Variants in MLEC observed in about 807,000 individuals in gnomAD.
MLEC encodes the protein oligosaccharyltransferase complex subunit (non-catalytic).
MLEC carries 7 observed loss-of-function variants against 28.7 expected under a neutral mutation model. That is an observed-to-expected ratio of 0.24 (90% CI 0.14 to 0.46). The LOEUF (loss-of-function observed/expected upper bound fraction) is 0.46, where lower values mean the gene tolerates loss of function less well. Among genes scored for constraint, MLEC ranks in the 20% least tolerant of loss-of-function variants. The pLI, the probability that MLEC is intolerant of heterozygous loss-of-function variation, is 0.99. For missense variants in MLEC, 237 were observed against 391.1 expected (o/e 0.61, Z 3.32); for synonymous variants, 142 against 164.4 (o/e 0.86, Z 1.04).
intron 1 of MLEC, among the ~76,000 whole-genome samples, chr12:120,688,023 G>C (rs1395477060): frequency 2.0e-5 from 3 of 152,184 alleles, no homozygotes; most frequent in African/African-American, 7.2e-5. Context: ...TTTGATTGTA[G>C]CCTCCTCCCC....
Position 120,696,806 on chromosome 12 carries a change from A to G in MLEC, c.*261A>G. 1 of 511,350 alleles carries G rather than the reference A, an allele frequency of 2.0e-6. No homozygotes were observed. The highest frequency in any genetic ancestry group is 3.5e-6 in the Non-Finnish European group (1 of 288,490). The allele number at this position is 511,350 out of a possible 1,614,324, so 31.7% of individuals were successfully genotyped here. ...CTTTCCTCTTGAGGATACTTAGGGT[A>G]AACTGGATCCTTCCTGCTCAAGGAT... On this transcript the variant is annotated 3_prime_UTR_variant, in exon 5 of 5. Coordinates refer to ENST00000228506, the MANE Select transcript of MLEC (RefSeq NM_014730.4). This position sits in a 1 kb window ranked among gnomAD's most constrained non-coding sequence, Gnocchi z 5.4.
intron 1 of MLEC, among the ~76,000 whole-genome samples, chr12:120,690,275 T>G (rs1392631004): frequency 6.6e-6 from 1 of 152,170 alleles, no homozygotes; most frequent in African/African-American, 2.4e-5. Flanking sequence ...CCTCCCAAAC[T>G]GCTGGGATTA....
chr12:120,692,496 T>C (rs1882078492), intron 1 of MLEC, among the ~76,000 whole-genome samples: 1 of 152,064 alleles, frequency 6.6e-6, no homozygotes, highest in Admixed American at 6.6e-5. Context: ...TCCTCTTCCA[T>C]TGTCTCATCA....
Position 120,700,988 on chromosome 12 carries a change from C to T in MLEC, c.*4443C>T, listed in dbSNP as rs1393957858. ...CAGGATGGATCTCTTGGGACAGGTTCCCCCAGGAGTATAAACACAAGGAGC... is the reference window on the plus strand; with the variant it reads ...CAGGATGGATCTCTTGGGACAGGTTTCCCCAGGAGTATAAACACAAGGAGC... On this transcript the variant is annotated 3_prime_UTR_variant, in exon 5 of 5. Transcript: ENST00000228506. This position sits in a 1 kb window ranked among gnomAD's most constrained non-coding sequence, Gnocchi z 4.0. 2 of 152,222 alleles carry T rather than the reference C, an allele frequency of 1.3e-5. No individual in the cohort carries two copies. The highest frequency in any genetic ancestry group is 2.9e-5 in the Non-Finnish European group (2 of 68,060). The allele number at this position is 152,222 out of a possible 1,614,324, so 9.4% of individuals were successfully genotyped here. A position where few individuals can be genotyped will look rare whatever the true frequency, so the allele number is the denominator to read the frequency against.
chr12:120,700,422 C>G lies in MLEC; in HGVS notation c.*3877C>G, dbSNP rs1882400577. The G allele has an allele frequency of 6.6e-6, 1 of 152,564 alleles. No homozygotes were observed. Among genetic ancestry groups the G allele is most frequent in the Non-Finnish European group, 1.5e-5 (1 of 68,034 alleles). The allele number at this position is 152,564 out of a possible 1,614,324, so 9.5% of individuals were successfully genotyped here. A position where few individuals can be genotyped will look rare whatever the true frequency, so the allele number is the denominator to read the frequency against. ...GGACCTAGGAGAGTAGGTGAGCTTT[C>G]CAAAGTGAGAGACGAATCTTTCTTT... On this transcript the variant is annotated 3_prime_UTR_variant, in exon 5 of 5. Coordinates refer to ENST00000228506, the MANE Select transcript of MLEC (RefSeq NM_014730.4). This position sits in a 1 kb window ranked among gnomAD's most constrained non-coding sequence, Gnocchi z 4.0.
Position 120,695,013 on chromosome 12 carries a change from T to A in MLEC, c.591+13T>A. On this transcript the variant is annotated intron_variant, in intron 3 of 4. Coordinates refer to ENST00000228506, the MANE Select transcript of MLEC (RefSeq NM_014730.4). ...TGAGTTTGTCAAGGTAATTCCCCTA[T>A]TCTGCCCATTGCTGAAGAGAGTGGG... 1 of 1,614,168 alleles carries A rather than the reference T, an allele frequency of 6.2e-7. No individual in the cohort carries two copies. The highest frequency in any genetic ancestry group is 8.5e-7 in the Non-Finnish European group (1 of 1,180,010).
At chr12:120,692,449 G>A (rs1347866950) in intron 1 of MLEC, among the ~76,000 whole-genome samples, 1 of 152,090 alleles carries the variant, frequency 6.6e-6, no homozygotes, top group Non-Finnish European at 1.5e-5. Flanking sequence ...AGGAGAAATA[G>A]AAAGAAAAAA....
At chr12:120,695,284 T>C in intron 4 of MLEC, 132 bp downstream of exon 4, 1 of 974,826 alleles carries the variant, frequency 1.0e-6, no homozygotes, top group Non-Finnish European at 1.6e-6. Context: ...CAGAATCAGT[T>C]GGATAAGGAT....
intron 1 of MLEC, among the ~76,000 whole-genome samples, chr12:120,691,294 G>A (rs1882028042): frequency 6.6e-6 from 1 of 152,242 alleles, no homozygotes; most frequent in South Asian, 2.1e-4. Context: ...CTCCGTGTGA[G>A]GCATTGTATT....
intron 1 of MLEC, among the ~76,000 whole-genome samples, chr12:120,692,075 G>C (rs181313147): frequency 6.6e-6 from 1 of 152,266 alleles, no homozygotes; most frequent in East Asian, 1.9e-4. Flanking sequence ...CAGGAGAATC[G>C]CTTGACCCTG....
intron 1 of MLEC, among the ~76,000 whole-genome samples, chr12:120,690,445 C>T (rs1881997631): frequency 1.3e-5 from 2 of 152,214 alleles, no homozygotes; most frequent in Non-Finnish European, 2.9e-5. Context: ...AGAAAGATAC[C>T]TGCTAAAGTC....
chr12:120,695,790 C>G (rs915206438), intron 4 of MLEC, among the ~76,000 whole-genome samples: 1 of 152,154 alleles, frequency 6.6e-6, no homozygotes, highest in Non-Finnish European at 1.5e-5. Context: ...GGATTTCATC[C>G]TGTTGTCTTG....
chr12:120,698,762 C>G lies in MLEC; in HGVS notation c.*2217C>G, dbSNP rs1882333315. 6.6e-6 allele frequency: 1 copy of G among 152,664 alleles called. No individual in the cohort carries two copies. Among genetic ancestry groups the G allele is most frequent in the African/African-American group, 2.4e-5 (1 of 41,448 alleles). 9.5% of individuals were successfully genotyped at this position (152,664 alleles called of 1,614,324 possible). A position where few individuals can be genotyped will look rare whatever the true frequency, so the allele number is the denominator to read the frequency against. On this transcript the variant is annotated 3_prime_UTR_variant, in exon 5 of 5. Transcript: ENST00000228506. ...TCAGAGTCTCAGAAGGAAACCCTGA[C>G]TCCTGGGGCCATTTCCTAATGGTAC...
At chr12:120,691,047 G>A (rs1882017073) in intron 1 of MLEC, among the ~76,000 whole-genome samples, 1 of 152,224 alleles carries the variant, frequency 6.6e-6, no homozygotes, top group Non-Finnish European at 1.5e-5. Flanking sequence ...TGAGGGTAGG[G>A]TGGGAGTGAC....
chr12:120,696,919 G>A lies in MLEC; in HGVS notation c.*374G>A, dbSNP rs1827885255. ...GGTTAGAAATTAACAGCAGGGAAAT[G>A]CCATCTTATTACCTGAGACGACCAG... On this transcript the variant is annotated 3_prime_UTR_variant, in exon 5 of 5. Transcript: ENST00000228506. The surrounding 1 kb of genome is among the most constrained non-coding windows in gnomAD (Gnocchi z 5.4). The A allele has an allele frequency of 4.5e-6, 1 of 222,886 alleles. No individual in the cohort carries two copies. Among genetic ancestry groups the A allele is most frequent in the Non-Finnish European group, 9.0e-6 (1 of 111,576 alleles). The allele number at this position is 222,886 out of a possible 1,614,324, so 13.8% of individuals were successfully genotyped here.
At chr12:120,691,234 A>G (rs1444400210) in intron 1 of MLEC, among the ~76,000 whole-genome samples, 1 of 152,184 alleles carries the variant, frequency 6.6e-6, no homozygotes, top group Admixed American at 6.5e-5. Flanking sequence ...TTTAGTGCTT[A>G]TCGTGTGCAT....
At chr12:120,690,385 T>C (rs903424541) in intron 1 of MLEC, among the ~76,000 whole-genome samples, 1 of 152,204 alleles carries the variant, frequency 6.6e-6, no homozygotes, top group African/African-American at 2.4e-5. Context: ...TTATTTGACC[T>C]GAGGGCACAG....
At position 120,694,412 on chromosome 12, in the gene MLEC, A is replaced by G. The variant is rs1280720553; in HGVS notation, c.414+143A>G. ...AGAGAAGCATGTTCCATAGTGCACA[A>G]GGCTGCACTTGCCTTGGGGGTGAGT... On this transcript the variant is annotated intron_variant, in intron 2 of 4. Transcript: ENST00000228506. The surrounding 1 kb of genome is among the most constrained non-coding windows in gnomAD (Gnocchi z 4.5). 1.5e-5 allele frequency: 13 copies of G among 853,166 alleles called. No homozygotes were observed. The Admixed American group carries it at 3.8e-4, about 25-fold the overall frequency. The allele number at this position is 853,166 out of a possible 1,614,324, so 52.8% of individuals were successfully genotyped here.
intron 1 of MLEC, among the ~76,000 whole-genome samples, chr12:120,693,286 G>A (rs188224820): frequency 1.3e-5 from 2 of 152,370 alleles, no homozygotes; most frequent in African/African-American, 4.8e-5. Flanking sequence ...TGCTTTGCAG[G>A]CACCTCCTTC....
Sources: allele counts gnomAD v4.1 joint callset (sites outside exome capture counted in the v4.1 genomes callset), GRCh38; gene constraint gnomAD v4.1.1; non-coding constraint Gnocchi (gnomAD v3.1); transcripts MANE v1.5; gene names NCBI Gene and HGNC (gene_info 2026-07-23, HGNC 2026-07-21).